The following PTPRE variants were observed in gnomAD, a reference collection of about 807,000 sequenced individuals.
The protein encoded by PTPRE is receptor-type tyrosine-protein phosphatase epsilon.
A neutral mutation model predicts 102.0 loss-of-function variants in PTPRE; 51 were observed. That is an observed-to-expected ratio of 0.50 (90% confidence interval 0.40 to 0.63). The LOEUF is 0.63. PTPRE is among the 30% of genes least tolerant of loss of function. The probability of loss-of-function intolerance (pLI) is 0.00; values close to 1 mark genes in which losing one functional copy is unlikely to be tolerated. For missense variants in PTPRE, 752 were observed against 915.1 expected (o/e 0.82, Z 2.30); for synonymous variants, 345 against 348.2 (o/e 0.99, Z 0.10).
chr10:128,033,600 A>C (rs1846951773), intron 2 of PTPRE, among the ~76,000 whole-genome samples: 1 of 152,236 alleles, frequency 6.6e-6, no homozygotes, highest in African/African-American at 2.4e-5. Context: ...CATTTGTAGT[A>C]AATGTATTGT....
In PTPRE at chr10:128,070,058, A is replaced by C. The variant is rs2136020644; in HGVS notation, c.1143+231A>C. The C allele has an allele frequency of 1.4e-6, 1 of 701,834 alleles. No individual in the cohort carries two copies. Among genetic ancestry groups the C allele is most frequent in the Non-Finnish European group, 2.3e-6 (1 of 426,904 alleles). 43.5% of individuals were successfully genotyped at this position (701,834 alleles called of 1,614,324 possible). On this transcript the variant is annotated intron_variant, in intron 13 of 20. Coordinates refer to ENST00000254667, the MANE Select transcript of PTPRE (RefSeq NM_006504.6). This position sits in a 1 kb window ranked among gnomAD's most constrained non-coding sequence, Gnocchi z 4.8. ...GAGATGGGGCAATCCTACTCCCCCAAACGGTGCATGTACACAGTGCGTGGC... is the reference window on the plus strand; with the variant it reads ...GAGATGGGGCAATCCTACTCCCCCACACGGTGCATGTACACAGTGCGTGGC...
At chr10:127,927,534 G>A (rs540411843) in intron 1 of PTPRE, among the ~76,000 whole-genome samples, 1 of 152,318 alleles carries the variant, frequency 6.6e-6, no homozygotes, top group South Asian at 2.1e-4. Context: ...CATGTAACCA[G>A]AGGGTAGTAG....
At chr10:128,077,133 G>A (rs534513180) in intron 18 of PTPRE, among the ~76,000 whole-genome samples, 1 of 152,252 alleles carries the variant, frequency 6.6e-6, no homozygotes, top group South Asian at 2.1e-4. Context: ...TCAGCTGTAG[G>A]TAGGATGACT....
chr10:128,011,013 C>A (rs577786164), intron 2 of PTPRE, among the ~76,000 whole-genome samples: 1 of 152,334 alleles, frequency 6.6e-6, no homozygotes, highest in South Asian at 2.1e-4. Flanking sequence ...CATGACACTT[C>A]ATTTGTACAT....
chr10:127,955,539 C>T (rs1849343448), intron 1 of PTPRE, among the ~76,000 whole-genome samples: 1 of 152,126 alleles, frequency 6.6e-6, no homozygotes, highest in East Asian at 1.9e-4. Flanking sequence ...TATTTTCATT[C>T]CTCTCTTATT....
At chr10:128,038,410 A>T (rs1847404608) in intron 2 of PTPRE, among the ~76,000 whole-genome samples, 1 of 152,206 alleles carries the variant, frequency 6.6e-6, no homozygotes, top group South Asian at 2.1e-4. Flanking sequence ...ACCAACCCAA[A>T]TGTCCAACAA....
chr10:127,907,933 T>C lies in PTPRE; in HGVS notation c.-31+624T>C, dbSNP rs1404086905. On this transcript the variant is annotated intron_variant, in intron 1 of 20. Coordinates refer to ENST00000254667, the MANE Select transcript of PTPRE (RefSeq NM_006504.6). This position sits in a 1 kb window ranked among gnomAD's most constrained non-coding sequence, Gnocchi z 4.8. ...GGCTGGACTGCCGCGATTTGCAGGG[T>C]CGACGACCTCACAGGGCTCCTGAGC... Among the ~76,000 whole-genome samples, 1 of 152,022 alleles carries C rather than the reference T, an allele frequency of 6.6e-6. No individual in the cohort carries two copies. Among genetic ancestry groups the C allele is most frequent in the Non-Finnish European group, 1.5e-5 (1 of 67,980 alleles).
At chr10:127,941,265 C>T (rs796633184) in intron 1 of PTPRE, among the ~76,000 whole-genome samples, 8 of 152,350 alleles carry the variant, frequency 5.3e-5, no homozygotes, top group African/African-American at 1.9e-4. Flanking sequence ...CTACTCCTTC[C>T]CCATGTCAGC....
Position 128,079,706 on chromosome 10 carries a change from G to T in PTPRE, c.2028+11G>T. On this transcript the variant is annotated intron_variant, in intron 20 of 20. Transcript: ENST00000254667. Reference sequence around the variant, plus strand: ...ATGGTGCAAACCCTGGTAAGAATCTGAATAAGGATGTTACCAGAAGAGTGG... The same window carrying T: ...ATGGTGCAAACCCTGGTAAGAATCTTAATAAGGATGTTACCAGAAGAGTGG... 6.2e-7 allele frequency: 1 copy of T among 1,607,492 alleles called. No homozygotes were observed. Among genetic ancestry groups the T allele is most frequent in the African/African-American group, 1.3e-5 (1 of 74,836 alleles).
At chr10:128,046,888 T>C (rs993336070) in intron 3 of PTPRE, among the ~76,000 whole-genome samples, 1 of 152,170 alleles carries the variant, frequency 6.6e-6, no homozygotes, top group African/African-American at 2.4e-5. Context: ...AATCGGGACC[T>C]GGAGGCTCTG....
chr10:128,047,448 GCTC>G lies in PTPRE; in HGVS notation c.178_180del (p.Leu60del), dbSNP rs769567400. 3.7e-6 allele frequency: 6 copies of G among 1,613,246 alleles called. No individual in the cohort carries two copies. The highest frequency in any genetic ancestry group is 5.1e-6 in the Non-Finnish European group (6 of 1,180,044). ...TGGCCTGGCTGCTACTGCCGCTGCT[GCTC>G]CTCCTCCTCGTGCTCCTTCTCGCCG... On this transcript the variant is annotated inframe_deletion, in exon 4 of 21. Coordinates refer to ENST00000254667, the MANE Select transcript of PTPRE (RefSeq NM_006504.6).
intron 1 of PTPRE, among the ~76,000 whole-genome samples, chr10:127,913,243 G>A (rs1845987542): frequency 6.6e-6 from 1 of 152,252 alleles, no homozygotes; most frequent in Admixed American, 6.5e-5. Flanking sequence ...AAAGGCCTGA[G>A]ATGATGTGAG....
intron 2 of PTPRE, among the ~76,000 whole-genome samples, chr10:128,029,314 G>A (rs1321630947): frequency 6.6e-6 from 1 of 152,168 alleles, no homozygotes; most frequent in Admixed American, 6.5e-5. Context: ...TCTAACACAT[G>A]GGCGGGTCCT....
chr10:127,907,296 C>G lies in PTPRE; in HGVS notation c.-44C>G. On this transcript the variant is annotated 5_prime_UTR_variant, in exon 1 of 21. Coordinates refer to ENST00000254667, the MANE Select transcript of PTPRE (RefSeq NM_006504.6). This position sits in a 1 kb window ranked among gnomAD's most constrained non-coding sequence, Gnocchi z 4.8. ...CTGCAGCGCGATCTGCGCGACCAGA[C>G]CGGCCCCCCCGAGGTGAGCGCGCGT... 3.0e-6 allele frequency: 3 copies of G among 984,784 alleles called. No homozygotes were observed. The highest frequency in any genetic ancestry group is 3.6e-6 in the Non-Finnish European group (3 of 829,752). The allele number at this position is 984,784 out of a possible 1,614,324, so 61.0% of individuals were successfully genotyped here.
At chr10:127,949,641 C>T (rs1848872191) in intron 1 of PTPRE, among the ~76,000 whole-genome samples, 1 of 152,144 alleles carries the variant, frequency 6.6e-6, no homozygotes, top group Admixed American at 6.6e-5. Flanking sequence ...CACGGCTAAA[C>T]CAAGTGATGA....
At chr10:128,010,540 C>G (rs1589995650) in intron 2 of PTPRE, among the ~76,000 whole-genome samples, 1 of 92,580 alleles carries the variant, frequency 1.1e-5, no homozygotes, top group African/African-American at 4.5e-5. Context: ...CCGTCAAACC[C>G]TGTTCCTTTT....
chr10:127,967,507 C>A (rs539678555), intron 1 of PTPRE, among the ~76,000 whole-genome samples: 114 of 152,338 alleles, frequency 7.5e-4, no homozygotes, highest in African/African-American at 2.6e-3. Context: ...TAAAGATATG[C>A]TTTTGCTCCT....
intron 1 of PTPRE, among the ~76,000 whole-genome samples, chr10:127,971,736 TAGA>T (rs1263106913): frequency 6.6e-6 from 1 of 152,194 alleles, no homozygotes; most frequent in Non-Finnish European, 1.5e-5. Context: ...TTGGCAGCTC[TAGA>T]AGAAGACTCT....
At chr10:128,057,414 G>T (rs560291139) in intron 7 of PTPRE, among the ~76,000 whole-genome samples, 51 of 152,256 alleles carry the variant, frequency 3.3e-4, no homozygotes, top group African/African-American at 1.2e-3. Context: ...ATCCCACCCT[G>T]CCAGGGCCTT....
Sources: allele counts gnomAD v4.1 joint callset (sites outside exome capture counted in the v4.1 genomes callset), GRCh38; gene constraint gnomAD v4.1.1; non-coding constraint Gnocchi (gnomAD v3.1); transcripts MANE v1.5; gene names NCBI Gene and HGNC (gene_info 2026-07-23, HGNC 2026-07-21).